The following HMG20B variants were observed in gnomAD, a reference collection of about 807,000 sequenced individuals.
The protein encoded by HMG20B is SWI/SNF-related matrix-associated actin-dependent regulator of chromatin subfamily E member 1-related.
Under a neutral mutation model 41.6 loss-of-function variants are expected in HMG20B, and 24 were observed. The observed-to-expected ratio is 0.58, with a 90% CI of 0.42 to 0.81. The LOEUF is 0.81. Among genes scored for constraint, HMG20B ranks in the 30% least tolerant of loss-of-function variants. The probability of loss-of-function intolerance (pLI) is 0.00; values close to 1 mark genes in which losing one functional copy is unlikely to be tolerated. For missense variants in HMG20B, 461 were observed against 444.0 expected, an observed-to-expected ratio of 1.04 and a Z score of -0.34; for synonymous variants, 251 against 186.6, an observed-to-expected ratio of 1.34 and a Z score of -2.81.
intron 3 of HMG20B, chr19:3,574,007 G>A (rs763371479): frequency 2.7e-5 from 19 of 696,140 alleles, no homozygotes; most frequent in Non-Finnish European, 4.4e-5. Context: ...CACAATGCCA[G>A]CTCTGCCCAC....
chr19:3,575,380 C>A, intron 4 of HMG20B, 160 bp from the exon 5 acceptor site: 1 of 1,288,132 alleles, frequency 7.8e-7, no homozygotes, highest in Non-Finnish European at 1.0e-6. Context: ...TCGGAGGTCC[C>A]TGAGCAACAG....
At chr19:3,576,332 G>A (rs2032161628) in intron 6 of HMG20B, 25 bp downstream of exon 6, 1 of 1,609,956 alleles carries the variant, frequency 6.2e-7, no homozygotes, top group African/African-American at 1.3e-5. Flanking sequence ...TCCTCTCAAA[G>A]CACCTGGGGG....
In HMG20B at chr19:3,578,927, T is replaced by TA. The variant is rs2032236084; in HGVS notation, c.*407dup. The TA allele has an allele frequency of 4.5e-6, 2 of 443,560 alleles. No homozygotes were observed. Among genetic ancestry groups the TA allele is most frequent in the Non-Finnish European group, 8.7e-6 (2 of 229,238 alleles). The allele number at this position is 443,560 out of a possible 1,614,324, so 27.5% of individuals were successfully genotyped here. On this transcript the variant is annotated 3_prime_UTR_variant, in exon 10 of 10. Transcript: ENST00000333651. ...CACAGGAAGCTGCCTTGTGGGGACT[T>TA]ACCTGGGGTGTCCCCCGCATGCCTG... is the stretch of plus-strand genomic sequence containing the variant.
Position 3,576,173 on chromosome 19 carries a change from G to A in HMG20B, c.473-88G>A. The A allele has an allele frequency of 6.7e-6, 8 of 1,197,750 alleles. No individual in the cohort carries two copies. In the South Asian group the frequency reaches 8.5e-5, roughly 13 times the overall value. The allele number at this position is 1,197,750 out of a possible 1,614,324, so 74.2% of individuals were successfully genotyped here. A position where few individuals can be genotyped will look rare whatever the true frequency, so the allele number is the denominator to read the frequency against. ...CGCGGGGCACTCAAGTGGGGAGCTG[G>A]AGCCGGCTGAGCAGCGCTGACCTAG... On this transcript the variant is annotated intron_variant, in intron 5 of 9. Transcript: ENST00000333651.
At chr19:3,573,383 CT>C in intron 2 of HMG20B, 36 bp downstream of exon 2, 1 of 1,501,526 alleles carries the variant, frequency 6.7e-7, no homozygotes, top group African/African-American at 1.4e-5. Flanking sequence ...GCCCTCGCTA[CT>C]TTCCCGGCTG....
At chr19:3,576,679 G>A in intron 7 of HMG20B, 54 bp downstream of exon 7, 1 of 1,525,124 alleles carries the variant, frequency 6.6e-7, no homozygotes, top group South Asian at 1.2e-5. Context: ...GTGGTAGAGG[G>A]GGGCGTGGGC....
Position 3,574,455 on chromosome 19 carries a change from G to C in HMG20B, c.220G>C (p.Val74Leu). ...KILPNGPKAP[V>L]TGYVRFLNER... ...TCTGCCGAATGGGCCCAAGGCACCG[G>C]TCACGGGCTACGTGCGCTTCCTGAA... Residue 74 changes from valine to leucine, a missense_variant, in exon 4 of 10, where the codon GTC (valine) becomes CTC (leucine). Around this residue, in one of 3 missense-constraint regions of HMG20B, gnomAD observed 49 missense variants for 84.1 expected, o/e 0.58. Transcript: ENST00000333651. 6.2e-7 allele frequency: 1 copy of C among 1,609,290 alleles called. No individual in the cohort carries two copies. The highest frequency in any genetic ancestry group is 1.3e-5 in the African/African-American group (1 of 74,998).
intron 5 of HMG20B, 182 bp from the exon 6 acceptor site, chr19:3,576,078 CG>C: frequency 1.6e-6 from 1 of 621,522 alleles, no homozygotes. Context: ...GTGGGTTGGG[CG>C]GGGGAAAGAT....
In HMG20B at chr19:3,576,894, C is replaced by A. The variant is rs2032173078; in HGVS notation, c.595C>A (p.Arg199Ser). 12 of 1,568,064 alleles carry A rather than the reference C, an allele frequency of 7.7e-6. No homozygotes were observed. Among genetic ancestry groups the A allele is most frequent in the Non-Finnish European group, 1.0e-5 (12 of 1,158,270 alleles). The change falls in exon 8 of 10, where the codon CGT becomes AGT. Residue 199 changes from arginine (R) to serine (S), a missense_variant and splice_region_variant. This residue lies in a region of HMG20B where 308 missense variants were observed against 283.4 expected (regional missense o/e 1.09). Coordinates refer to ENST00000333651, the MANE Select transcript of HMG20B (RefSeq NM_006339.3). ...TEEFLDQNKA[R>S]EAELRRLRKM... is the part of the protein sequence containing the mutation. ...TGACCCCGCTCCCCCCGGCGCAGCG[C>A]GTGAGGCGGAGCTTCGGCGCTTGCG...
intron 4 of HMG20B, among the ~76,000 whole-genome samples, chr19:3,575,238 G>A (rs2032132278): frequency 6.6e-6 from 1 of 152,174 alleles, no homozygotes; most frequent in Non-Finnish European, 1.5e-5. Flanking sequence ...AGAGAGAAAC[G>A]GGTGCGGGAG....
chr19:3,576,384 T>C, intron 6 of HMG20B, 77 bp downstream of exon 6: 1 of 1,499,836 alleles, frequency 6.7e-7, no homozygotes, highest in Non-Finnish European at 9.3e-7. Context: ...TCAGAGCCAG[T>C]GCTCGCCCAG....
At chr19:3,575,954 AAAAAAG>A (rs1045461253) in intron 5 of HMG20B, 11 of 508,288 alleles carry the variant, frequency 2.2e-5, no homozygotes, top group South Asian at 5.3e-5. Flanking sequence ...AAAAAAAAAA[AAAAAAG>A]AAAAAGAAAA....
At chr19:3,575,519 C>A (rs963859455) in intron 4 of HMG20B, 21 bp from the exon 5 acceptor site, 1 of 1,561,230 alleles carries the variant, frequency 6.4e-7, no homozygotes, top group Non-Finnish European at 8.7e-7. Context: ...CTGCTTCAAG[C>A]CTTCTGGTGC....
At chr19:3,575,265 C>T (rs952545274) in intron 4 of HMG20B, among the ~76,000 whole-genome samples, 1 of 152,168 alleles carries the variant, frequency 6.6e-6, no homozygotes, top group African/African-American at 2.4e-5. Flanking sequence ...CAGGCATCCG[C>T]ATACGCTGGA....
chr19:3,576,420 C>G (rs1426721772), intron 6 of HMG20B, 113 bp downstream of exon 6: 2 of 1,355,768 alleles, frequency 1.5e-6, no homozygotes, highest in African/African-American at 1.4e-5. Context: ...GGCGGTGCCA[C>G]TGCACCGTGG....
At position 3,577,052 on chromosome 19, in the gene HMG20B, G is replaced by A. The variant is rs779341539; in HGVS notation, c.753G>A (p.Gln251=). 5.8e-6 allele frequency: 9 copies of A among 1,545,890 alleles called. No homozygotes were observed. Among genetic ancestry groups the A allele is most frequent in the South Asian group, 2.4e-5 (2 of 83,926 alleles). ...GGAGGACGCTGGCGCTGCAGCAGCA[G>A]CTCCAGGCCGTGCGCCAGGCGCTCA... ...EERRTLALQQ[Q]LQAVRQALTA... Residue 251 remains glutamine, a synonymous_variant, in exon 8 of 10, where the codon CAG becomes CAA. Coordinates refer to ENST00000333651, the MANE Select transcript of HMG20B (RefSeq NM_006339.3).
At chr19:3,573,180 C>T in intron 1 of HMG20B, 112 bp from the exon 2 acceptor site, 2 of 845,324 alleles carry the variant, frequency 2.4e-6, no homozygotes, top group South Asian at 1.9e-5. Flanking sequence ...TCCGGCCCCC[C>T]CAGCGCTCCG....
chr19:3,573,931 G>T (rs1428100908), intron 3 of HMG20B, 131 bp downstream of exon 3: 2 of 884,532 alleles, frequency 2.3e-6, no homozygotes, highest in South Asian at 1.4e-5. Context: ...CTGAGACCCC[G>T]CCCCGTGCCA....
At chr19:3,577,888 G>A (rs1445827266) in intron 8 of HMG20B, 93 bp from the exon 9 acceptor site, 4 of 1,228,402 alleles carry the variant, frequency 3.3e-6, no homozygotes, top group East Asian at 2.6e-5. Context: ...GCGCCCGCGC[G>A]ACCCGCCCTG....
Sources: allele counts gnomAD v4.1 joint callset (sites outside exome capture counted in the v4.1 genomes callset), GRCh38; gene constraint gnomAD v4.1.1; regional missense constraint gnomAD v4.1.1; transcripts MANE v1.5; gene names NCBI Gene and HGNC (gene_info 2026-07-23, HGNC 2026-07-21).